SLC37A1: variants seen among roughly 807,000 people sequenced by gnomAD.
SLC37A1 encodes the protein glucose-6-phosphate exchanger SLC37A1.
Under a neutral mutation model 75.3 loss-of-function variants are expected in SLC37A1, and 49 were observed. The observed-to-expected ratio is 0.65, with a 90% confidence interval of 0.52 to 0.83. SLC37A1 has a LOEUF of 0.83. Ranked by LOEUF, SLC37A1 falls within the 40% of genes least tolerant of loss-of-function variation. The pLI is 0.00. For synonymous variants in SLC37A1, 268 were observed against 292.1 expected, an observed-to-expected ratio of 0.92 and a Z score of 0.84; for missense variants, 566 against 695.0, an observed-to-expected ratio of 0.81 and a Z score of 2.09.
At chr21:42,576,974 G>C (rs2056321982) in intron 18 of SLC37A1, among the ~76,000 whole-genome samples, 1 of 152,154 alleles carries the variant, frequency 6.6e-6, no homozygotes, top group African/African-American at 2.4e-5. Flanking sequence ...TGGATTTGAA[G>C]CAATATTTTA....
intron 15 of SLC37A1, among the ~76,000 whole-genome samples, chr21:42,566,270 G>A (rs923446706): frequency 6.6e-6 from 1 of 152,242 alleles, no homozygotes; most frequent in South Asian, 2.1e-4. Context: ...AGCTCAGGCT[G>A]GCTCTTGGGC....
intron 2 of SLC37A1, among the ~76,000 whole-genome samples, chr21:42,508,348 C>T (rs771693674): frequency 8.5e-5 from 13 of 152,060 alleles, no homozygotes; most frequent in Admixed American, 3.9e-4. Context: ...AAGCTGGTCT[C>T]GAATTCCTGA....
chr21:42,517,053 C>T (rs548507076), intron 1 of SLC37A1, among the ~76,000 whole-genome samples: 1 of 152,200 alleles, frequency 6.6e-6, no homozygotes, highest in African/African-American at 2.4e-5. Context: ...AGGTTCTGGA[C>T]AAGGAGATGG....
Position 42,574,810 on chromosome 21 carries a change from G to T in SLC37A1, c.1424-8G>T. 6.2e-7 allele frequency: 1 copy of T among 1,613,934 alleles called. No homozygotes were observed. Among genetic ancestry groups the T allele is most frequent in the South Asian group, 1.1e-5 (1 of 91,032 alleles). ...CAGCACCATGTGTGTCCATTTGCCT[G>T]ATTTCAGGAGCAGCCCTGGGCCCCC... is the stretch of plus-strand genomic sequence containing the variant. On this transcript the variant is annotated splice_region_variant and splice_polypyrimidine_tract_variant and intron_variant, in intron 17 of 19. Transcript: ENST00000352133.
upstream of SLC37A1, among the ~76,000 whole-genome samples, chr21:42,513,373 G>A (rs997261417): frequency 2.0e-5 from 3 of 152,246 alleles, no homozygotes; most frequent in Non-Finnish European, 4.4e-5. Flanking sequence ...TCCGCGTGCC[G>A]CATTTCCACG....
At chr21:42,557,990 G>A (rs2055734153) in intron 10 of SLC37A1, among the ~76,000 whole-genome samples, 1 of 152,142 alleles carries the variant, frequency 6.6e-6, no homozygotes, top group Non-Finnish European at 1.5e-5. Flanking sequence ...TGCCCGGGCT[G>A]AAGGACAGCC....
intron 10 of SLC37A1, among the ~76,000 whole-genome samples, chr21:42,554,982 G>GTTTT (rs57783969): frequency 6.2e-4 from 72 of 116,540 alleles, no homozygotes; most frequent in East Asian, 2.4e-3. Flanking sequence ...TTGGTTGGTT[G>GTTTT]TTTTTTTTTT....
rs2055085766 is a variant in SLC37A1 at position 42,534,690 on chromosome 21, C to T, written c.139-8C>T. On this transcript the variant is annotated splice_polypyrimidine_tract_variant and splice_region_variant and intron_variant, in intron 3 of 19. Transcript: ENST00000352133. ...TCTCCCTGCTTCTGCCCTCCCATCA[C>T]GTCCCAGGGTGAGCTCCACAAGTAC... 5 of 1,606,530 alleles carry T rather than the reference C, an allele frequency of 3.1e-6. No individual in the cohort carries two copies. The highest frequency in any genetic ancestry group is 2.2e-5 in the East Asian group (1 of 44,578).
At chr21:42,533,318 C>T (rs748724391) in intron 3 of SLC37A1, among the ~76,000 whole-genome samples, 78 of 152,200 alleles carry the variant, frequency 5.1e-4, no homozygotes, top group Non-Finnish European at 9.1e-4. Context: ...CTTCACTTGC[C>T]GCCATCACTC....
intron 16 of SLC37A1, among the ~76,000 whole-genome samples, chr21:42,568,046 A>G (rs991093585): frequency 2.6e-5 from 4 of 152,274 alleles, no homozygotes; most frequent in African/African-American, 9.6e-5. Flanking sequence ...CGCGTTGCGC[A>G]CCTTCACGCC....
intron 3 of SLC37A1, among the ~76,000 whole-genome samples, chr21:42,530,246 T>C (rs1365533975): frequency 6.6e-6 from 1 of 152,190 alleles, no homozygotes; most frequent in Admixed American, 6.5e-5. Flanking sequence ...GATTCCATTT[T>C]TGAGAAGTAA....
intron 2 of SLC37A1, among the ~76,000 whole-genome samples, chr21:42,524,942 C>T (rs2054743297): frequency 6.6e-6 from 1 of 152,166 alleles, no homozygotes. Context: ...GGTTGGGACT[C>T]CACCCGTGGA....
rs149825596 is a variant in SLC37A1 at position 42,568,387 on chromosome 21, G to A, written c.1372G>A (p.Ala458Thr). ...LGTHKSLKGN[A>T]HALSTVTAII... ...GACTCATAAAAGTCTGAAAGGCAAC[G>A]CGCACGCCCTCTCCACCGTGACGGC... The change falls in exon 17 of 20, where the codon GCG becomes ACG. Residue 458 changes from alanine (A) to threonine (T), a missense_variant. Ala to Thr is a moderately conservative substitution (Grantham distance 58). Transcript: ENST00000352133. 63 of 1,614,096 alleles carry A rather than the reference G, an allele frequency of 3.9e-5. No homozygotes were observed. The highest frequency in any genetic ancestry group is 1.1e-4 in the African/African-American group (8 of 75,026).
At chr21:42,515,789 C>T (rs577716940) in intron 1 of SLC37A1, among the ~76,000 whole-genome samples, 2 of 152,050 alleles carry the variant, frequency 1.3e-5, no homozygotes, top group Non-Finnish European at 2.9e-5. Flanking sequence ...GACAGGGTCT[C>T]GCTCTGTCGC....
intron 8 of SLC37A1, among the ~76,000 whole-genome samples, chr21:42,544,505 T>A (rs532828020): frequency 6.6e-6 from 1 of 152,358 alleles, no homozygotes; most frequent in African/African-American, 2.4e-5. Context: ...TCTCACCCCA[T>A]GCTTCTGTGT....
At chr21:42,535,225 G>A (rs909618291) in intron 4 of SLC37A1, among the ~76,000 whole-genome samples, 2 of 152,216 alleles carry the variant, frequency 1.3e-5, no homozygotes, top group African/African-American at 2.4e-5. Flanking sequence ...CATGCACAAT[G>A]GGGATTTTAT....
intron 3 of SLC37A1, among the ~76,000 whole-genome samples, chr21:42,530,641 CACACACACACA>C (rs1322169956): frequency 6.6e-4 from 21 of 31,896 alleles, no homozygotes; most frequent in South Asian, 4.0e-3. Context: ...CACACACACA[CACACACACACA>C]CACCCCCTCT....
rs142688450 is a variant in SLC37A1, at chr21:42,568,288, G to T, written c.1345-72G>T. 4.1e-4 allele frequency: 493 copies of T among 1,201,114 alleles called. 2 individuals carry two copies. The African/African-American group carries it at 6.3e-3, about 15-fold the overall frequency. The allele number at this position is 1,201,114 out of a possible 1,614,324, so 74.4% of individuals were successfully genotyped here. ...GTTTTGCAGAGCAGTTTGAGTAAAT[G>T]GTCATACAGAGGCTTAGGTTTACTT... On this transcript the variant is annotated intron_variant, in intron 16 of 19. Transcript: ENST00000352133.
chr21:42,523,664 C>T (rs1031718641), intron 2 of SLC37A1, among the ~76,000 whole-genome samples: 9 of 152,210 alleles, frequency 5.9e-5, no homozygotes, highest in Non-Finnish European at 1.0e-4. Context: ...TAGGGTTTCG[C>T]TTTTTTCCCA....
Sources: allele counts gnomAD v4.1 joint callset (sites outside exome capture counted in the v4.1 genomes callset), GRCh38; gene constraint gnomAD v4.1.1; transcripts MANE v1.5; gene names NCBI Gene and HGNC (gene_info 2026-07-23, HGNC 2026-07-21).